HMGB1: variants seen among roughly 807,000 people sequenced by gnomAD.
HMGB1 encodes the protein high mobility group protein B1.
For synonymous variants in HMGB1, 81 were observed against 84.0 expected, an observed-to-expected ratio of 0.96 and a Z score of 0.19; for missense variants, 79 against 253.5, an observed-to-expected ratio of 0.31 and a Z score of 4.67.
chr13:30,524,346 A>AAAAG (rs1191337363), intron 1 of HMGB1, among the ~76,000 whole-genome samples: 5 of 37,600 alleles, frequency 1.3e-4, no homozygotes, highest in African/African-American at 2.3e-4. Flanking sequence ...TTAAAAAAAA[A>AAAAG]AAAAAAAAAA....
intron 1 of HMGB1, among the ~76,000 whole-genome samples, chr13:30,571,380 C>T (rs566023752): frequency 2.6e-5 from 4 of 151,884 alleles, no homozygotes; most frequent in East Asian, 1.9e-4. Flanking sequence ...CTGCAACCTC[C>T]GCCTCCCGGG....
At chr13:30,479,770 A>C (rs758293950) in intron 1 of HMGB1, among the ~76,000 whole-genome samples, 1 of 152,230 alleles carries the variant, frequency 6.6e-6, no homozygotes, top group Non-Finnish European at 1.5e-5. Context: ...ATATACCTAA[A>C]GAGCTCAGCC....
chr13:30,500,726 CTTTTTT>C (rs570120939), intron 1 of HMGB1, among the ~76,000 whole-genome samples: 20 of 127,688 alleles, frequency 1.6e-4, no homozygotes, highest in Non-Finnish European at 2.8e-4. Flanking sequence ...TTTTTAATTT[CTTTTTT>C]TTTTTTTTTG....
chr13:30,464,510 C>G (rs957038379), intron 1 of HMGB1: 2 of 984,670 alleles, frequency 2.0e-6, no homozygotes, highest in Middle Eastern at 5.2e-4. Flanking sequence ...GCCGCGCGGC[C>G]GAGGAGAGAG....
At chr13:30,616,928 T>C (rs1251643056) in exon 1 of HMGB1, 1 of 152,210 alleles carries the variant, frequency 6.6e-6, no homozygotes, top group Non-Finnish European at 1.5e-5. Flanking sequence ...CTACAAATTG[T>C]TATCCTAGGA....
At chr13:30,597,002 GT>G (rs1566036059) in intron 1 of HMGB1, among the ~76,000 whole-genome samples, 2 of 152,168 alleles carry the variant, frequency 1.3e-5, no homozygotes, top group African/African-American at 4.8e-5. Flanking sequence ...CTAGACAGCT[GT>G]ATGATTTGAA....
intron 1 of HMGB1, among the ~76,000 whole-genome samples, chr13:30,558,507 A>G (rs529925532): frequency 1.3e-5 from 2 of 152,224 alleles, no homozygotes; most frequent in Admixed American, 1.3e-4. Context: ...ATGTAAAAAA[A>G]GATTTTTTTT....
At chr13:30,611,150 A>G (rs1593346024) in intron 1 of HMGB1, among the ~76,000 whole-genome samples, 2 of 152,354 alleles carry the variant, frequency 1.3e-5, no homozygotes, top group East Asian at 1.9e-4. Context: ...CATTTTTTAA[A>G]AAGATTGCTT....
At chr13:30,521,102 A>T (rs996581563) in intron 1 of HMGB1, among the ~76,000 whole-genome samples, 3 of 152,200 alleles carry the variant, frequency 2.0e-5, no homozygotes, top group African/African-American at 7.2e-5. Context: ...TGTTGGTAAG[A>T]GGTTAATCAA....
chr13:30,595,997 C>T (rs1871590610), intron 1 of HMGB1, among the ~76,000 whole-genome samples: 2 of 152,126 alleles, frequency 1.3e-5, no homozygotes, highest in Non-Finnish European at 2.9e-5. Flanking sequence ...GGCAAGAATC[C>T]TTGGGGGCCA....
At chr13:30,480,572 C>T (rs1887203414) in intron 1 of HMGB1, among the ~76,000 whole-genome samples, 1 of 152,074 alleles carries the variant, frequency 6.6e-6, no homozygotes, top group Non-Finnish European at 1.5e-5. Context: ...TGAAATTAGC[C>T]CAGTTTCACA....
chr13:30,461,273 T>C lies in HMGB1; in HGVS notation c.*84A>G. 3 of 1,504,886 alleles carry C rather than the reference T, an allele frequency of 2.0e-6. No homozygotes were observed. Among genetic ancestry groups the C allele is most frequent in the South Asian group, 1.4e-5 (1 of 72,260 alleles). 93.2% of individuals were successfully genotyped at this position (1,504,886 alleles called of 1,614,324 possible). A position where few individuals can be genotyped will look rare whatever the true frequency, so the allele number is the denominator to read the frequency against. On this transcript the variant is annotated 3_prime_UTR_variant, in exon 5 of 5. Coordinates refer to ENST00000341423, the MANE Select transcript of HMGB1 (RefSeq NM_002128.7). The stretch of plus-strand genomic sequence containing the variant: ...AATCTTACACAGCCTTACATTTCAA[T>C]TTTTTTCTTTAAAAGGAGTGAGTTG...
intron 1 of HMGB1, among the ~76,000 whole-genome samples, chr13:30,538,631 T>TTCTTTCTTCC (rs1443881621): frequency 0.074 from 7,284 of 98,362 alleles, 483 homozygotes; most frequent in African/African-American, 0.16. Context: ...CTCTCTTTCT[T>TTCTTTCTTCC]TTTCTTTCTT....
chr13:30,481,324 G>T (rs1421002725), intron 1 of HMGB1, among the ~76,000 whole-genome samples: 3 of 151,860 alleles, frequency 2.0e-5, no homozygotes, highest in African/African-American at 7.2e-5. Flanking sequence ...AAAAGAGAAT[G>T]CCAAGAAGGG....
intron 1 of HMGB1, among the ~76,000 whole-genome samples, chr13:30,569,725 T>G (rs1384290720): frequency 1.3e-5 from 2 of 152,108 alleles, no homozygotes; most frequent in Admixed American, 1.3e-4. Context: ...TTTCCCAGAG[T>G]GCGCTCTCAT....
At chr13:30,607,995 G>C (rs764120470) in intron 1 of HMGB1, among the ~76,000 whole-genome samples, 6 of 152,142 alleles carry the variant, frequency 3.9e-5, no homozygotes, top group Non-Finnish European at 8.8e-5. Flanking sequence ...TCATACCTTT[G>C]TGTAGGTAGG....
intron 1 of HMGB1, among the ~76,000 whole-genome samples, chr13:30,573,422 A>C (rs1347179392): frequency 6.6e-6 from 1 of 152,224 alleles, no homozygotes; most frequent in African/African-American, 2.4e-5. Flanking sequence ...ATGTGAAAAA[A>C]ATGAGAGAAT....
intron 1 of HMGB1, among the ~76,000 whole-genome samples, chr13:30,604,759 G>A (rs570507387): frequency 1.1e-3 from 168 of 152,238 alleles, no homozygotes; most frequent in African/African-American, 2.7e-3. Flanking sequence ...CTGGGTTCAC[G>A]CCATTCTCCC....
At chr13:30,553,294 TG>T (rs1311066985) in intron 1 of HMGB1, among the ~76,000 whole-genome samples, 1 of 152,176 alleles carries the variant, frequency 6.6e-6, no homozygotes, top group African/African-American at 2.4e-5. Context: ...ACCTCCAAGT[TG>T]TTTGTACAGG....
Sources: gnomAD v4.1 joint callset for allele counts (sites outside exome capture counted in the v4.1 genomes callset) on GRCh38, gnomAD v4.1.1 for gene constraint, MANE v1.5 for transcripts, NCBI Gene and HGNC (gene_info 2026-07-23, HGNC 2026-07-21) for gene names.